The following AFF3 variants were observed in gnomAD, a reference collection of about 807,000 sequenced individuals.
The protein encoded by AFF3 is ALF transcription elongation factor 3, also known as AF4/FMR2 family member 3.
AFF3 carries 32 observed loss-of-function variants against 129.7 expected under a neutral mutation model. The observed-to-expected ratio is 0.25, with a 90% CI of 0.19 to 0.33. The LOEUF is 0.33. AFF3 is among the 10% of genes least tolerant of loss of function. The probability of loss-of-function intolerance (pLI) is 1.00; values close to 1 mark genes in which losing one functional copy is unlikely to be tolerated. For synonymous variants in AFF3, 644 were observed against 635.4 expected (o/e 1.01, Z -0.20); for missense variants, 1,373 against 1,592.0 (o/e 0.86, Z 2.34).
chr2:99,595,386 C>T (rs1266530734), intron 14 of AFF3, among the ~76,000 whole-genome samples: 1 of 152,132 alleles, frequency 6.6e-6, no homozygotes, highest in Non-Finnish European at 1.5e-5. Context: ...CTATGGCCTT[C>T]CACCTTTCGA....
intron 7 of AFF3, among the ~76,000 whole-genome samples, chr2:99,856,437 T>C (rs369137477): frequency 3.7e-4 from 56 of 152,300 alleles, no homozygotes; most frequent in African/African-American, 1.2e-3. Flanking sequence ...ATCAAATTCA[T>C]TGAATTGTCC....
At chr2:99,972,168 A>G (rs1213884760) in intron 7 of AFF3, among the ~76,000 whole-genome samples, 5 of 152,178 alleles carry the variant, frequency 3.3e-5, no homozygotes, top group Admixed American at 3.3e-4. Flanking sequence ...CAAATCCTGG[A>G]GCTGGGGTCA....
In AFF3 at chr2:99,837,471, T is replaced by C. The variant is rs376430474; in HGVS notation, c.921+6A>G. ...ATTGATAAGACTGTTTAAAGAATAA[T>C]CTTACCCGGATTATTTCTTCAACAC... On this transcript the variant is annotated splice_donor_region_variant and intron_variant, in intron 8 of 24. Coordinates refer to ENST00000672756, the MANE Select transcript of AFF3 (RefSeq NM_001386135.1). 3.1e-6 allele frequency: 5 copies of C among 1,612,906 alleles called. No individual in the cohort carries two copies. The highest frequency in any genetic ancestry group is 3.4e-6 in the Non-Finnish European group (4 of 1,178,978).
chr2:99,867,098 T>C (rs182431058), intron 7 of AFF3, among the ~76,000 whole-genome samples: 1 of 152,078 alleles, frequency 6.6e-6, no homozygotes, highest in Non-Finnish European at 1.5e-5. Context: ...GGGGATTCTA[T>C]GAGTACACTA....
chr2:99,641,910 C>A (rs959129069), intron 13 of AFF3, among the ~76,000 whole-genome samples: 24 of 152,258 alleles, frequency 1.6e-4, no homozygotes, highest in African/African-American at 2.6e-4. Context: ...TATTTATGCA[C>A]AAGCCTACAT....
intron 7 of AFF3, among the ~76,000 whole-genome samples, chr2:99,901,980 G>A (rs1694376839): frequency 1.3e-5 from 2 of 151,482 alleles, no homozygotes; most frequent in Non-Finnish European, 2.9e-5. Context: ...CACACTTTGA[G>A]GCTTTGAAAA....
chr2:99,771,618 A>G (rs936695007), intron 8 of AFF3, among the ~76,000 whole-genome samples: 2 of 152,216 alleles, frequency 1.3e-5, no homozygotes, highest in Non-Finnish European at 2.9e-5. Context: ...TTAAGACCTT[A>G]TGATTCCCCC....
At chr2:99,676,621 T>C (rs79239329) in intron 11 of AFF3, among the ~76,000 whole-genome samples, 6,091 of 152,286 alleles carry the variant, frequency 0.04, 242 homozygotes, top group Non-Finnish European at 0.054. Context: ...AGGAGGGAAG[T>C]GGGCCTCAGA....
chr2:99,741,528 C>T (rs1680720356), intron 10 of AFF3, among the ~76,000 whole-genome samples: 1 of 152,192 alleles, frequency 6.6e-6, no homozygotes, highest in South Asian at 2.1e-4. Context: ...TGAAGGACCT[C>T]TTCAAGGAGA....
Position 99,633,037 on chromosome 2 carries a change from G to C in AFF3, c.1184+16589C>G. On this transcript the variant is annotated intron_variant, in intron 13 of 24. Transcript: ENST00000672756. The stretch of plus-strand genomic sequence containing the variant: ...CGCTTTTTGTTTTTTTAGTGCGACT[G>C]TACTACCTAGAGACACGGGCTATTT... Among the ~76,000 whole-genome samples, 3 of 152,194 alleles carry C rather than the reference G, an allele frequency of 2.0e-5. No individual in the cohort carries two copies. The South Asian group carries it at 6.2e-4, about 32-fold the overall frequency.
At position 99,560,400 on chromosome 2, in the gene AFF3, A is replaced by C; in HGVS notation, c.3156T>G (p.Asn1052Lys). The change falls in exon 21 of 25, where the codon AAT becomes AAG. Residue 1052 changes from asparagine (N) to lysine (K), a missense_variant. Asn to Lys is a moderately conservative substitution (Grantham distance 94). Transcript: ENST00000672756. ...CCAGTTGTTTGTCTTCTGGTGTGGC[A>C]TTGGGGCCTGAGTGGGTTTTTAGTC... Reference protein sequence around the residue: ...AMRLKTHSGPNATPEDKQLAA... With the variant: ...AMRLKTHSGPKATPEDKQLAA... 1 of 1,614,120 alleles carries C rather than the reference A, an allele frequency of 6.2e-7. No homozygotes were observed. Among genetic ancestry groups the C allele is most frequent in the Non-Finnish European group, 8.5e-7 (1 of 1,179,982 alleles).
At chr2:99,635,783 A>G (rs1400099956) in intron 13 of AFF3, among the ~76,000 whole-genome samples, 2 of 152,036 alleles carry the variant, frequency 1.3e-5, no homozygotes, top group Non-Finnish European at 2.9e-5. Context: ...CAGTTTCCCC[A>G]CATGTAAAAT....
At chr2:99,775,342 T>G (rs1683812610) in intron 8 of AFF3, among the ~76,000 whole-genome samples, 1 of 152,190 alleles carries the variant, frequency 6.6e-6, no homozygotes, top group Non-Finnish European at 1.5e-5. Flanking sequence ...AAAGAAAATG[T>G]GGTACATATA....
chr2:100,017,401 A>C (rs1683224080), intron 4 of AFF3, among the ~76,000 whole-genome samples: 1 of 152,070 alleles, frequency 6.6e-6, no homozygotes, highest in Non-Finnish European at 1.5e-5. Flanking sequence ...TCTCAATCTT[A>C]ATTCAATCTT....
chr2:100,022,581 T>G (rs1014759608), intron 4 of AFF3, among the ~76,000 whole-genome samples: 2 of 152,110 alleles, frequency 1.3e-5, no homozygotes, highest in Admixed American at 6.5e-5. Flanking sequence ...TGGCCAATTT[T>G]TTTTATTTTT....
intron 8 of AFF3, among the ~76,000 whole-genome samples, chr2:99,797,848 T>G (rs889448994): frequency 1.4e-4 from 21 of 152,112 alleles, no homozygotes; most frequent in Admixed American, 1.2e-3. Context: ...ACAGACATTT[T>G]CAGATATGCA....
At position 99,554,457 on chromosome 2, in the gene AFF3, T is replaced by C. The variant is rs760098040; in HGVS notation, c.3413A>G (p.Asn1138Ser). 5.0e-6 allele frequency: 8 copies of C among 1,613,866 alleles called. No homozygotes were observed. The highest frequency in any genetic ancestry group is 6.8e-6 in the Non-Finnish European group (8 of 1,179,992). Residue 1138 changes from asparagine to serine, a missense_variant, in exon 24 of 25, where the codon AAC becomes AGC. This residue lies in a region of AFF3 where 165 missense variants were observed against 234.0 expected (regional missense o/e 0.71). Coordinates refer to ENST00000672756, the MANE Select transcript of AFF3 (RefSeq NM_001386135.1). Reference protein sequence around the residue: ...SSVGSQGSLSNASALSPSTIV... With the variant: ...SSVGSQGSLSSASALSPSTIV... ...GGTCGACGGGGACAGGGCGCTGGCG[T>C]TGGAGAGGCTGCCCTGAGACCCCAC... is the stretch of plus-strand genomic sequence containing the variant.
chr2:99,890,541 G>C (rs1693469221), intron 7 of AFF3, among the ~76,000 whole-genome samples: 1 of 152,168 alleles, frequency 6.6e-6, no homozygotes, highest in Non-Finnish European at 1.5e-5. Context: ...CACACTGAAT[G>C]CTCAGAGGTC....
At chr2:99,773,376 A>AAT (rs1683641844) in intron 8 of AFF3, among the ~76,000 whole-genome samples, 1 of 152,246 alleles carries the variant, frequency 6.6e-6, no homozygotes, top group African/African-American at 2.4e-5. Context: ...TTCTTAAACT[A>AAT]CTTGCTGTAA....
Sources: gnomAD v4.1 joint callset for allele counts (sites outside exome capture counted in the v4.1 genomes callset) on GRCh38, gnomAD v4.1.1 for gene constraint, gnomAD v4.1.1 regional missense constraint, MANE v1.5 for transcripts, NCBI Gene and HGNC (gene_info 2026-07-23, HGNC 2026-07-21) for gene names.